DIXDC1: variants seen among roughly 807,000 people sequenced by gnomAD.
The protein encoded by DIXDC1 is DIX domain containing 1.
In DIXDC1, 64 loss-of-function variants were observed where a neutral mutation model predicts 103.1. The ratio of observed to expected loss-of-function variants is 0.62; its 90% CI spans 0.51 to 0.76. The LOEUF is 0.76. Among genes scored for constraint, DIXDC1 ranks in the 30% least tolerant of loss-of-function variants. The pLI, the probability that DIXDC1 is intolerant of heterozygous loss-of-function variation, is 0.00. For missense variants in DIXDC1, 759 were observed against 834.2 expected, an observed-to-expected ratio of 0.91 and a Z score of 1.11; for synonymous variants, 266 against 298.5, an observed-to-expected ratio of 0.89 and a Z score of 1.12.
chr11:111,970,299 C>T (rs1030677525), intron 3 of DIXDC1, among the ~76,000 whole-genome samples: 4 of 152,172 alleles, frequency 2.6e-5, no homozygotes, highest in African/African-American at 7.2e-5. Context: ...AAGTGATCCA[C>T]CTGCCTCAGC....
chr11:111,994,920 C>A, intron 14 of DIXDC1, 99 bp from the exon 15 acceptor site: 2 of 1,085,658 alleles, frequency 1.8e-6, no homozygotes, highest in Non-Finnish European at 2.7e-6. Context: ...CAATTATATA[C>A]TTCATCAGGA....
chr11:111,973,437 C>A (rs1371325346), intron 3 of DIXDC1, among the ~76,000 whole-genome samples: 1 of 151,716 alleles, frequency 6.6e-6, no homozygotes, highest in Non-Finnish European at 1.5e-5. Context: ...TCCAAAATAC[C>A]ATTTCATGCA....
intron 1 of DIXDC1, among the ~76,000 whole-genome samples, chr11:111,940,109 G>C (rs1555168650): frequency 6.6e-5 from 10 of 152,216 alleles, no homozygotes; most frequent in Non-Finnish European, 1.5e-4. Flanking sequence ...AGGGAACCCT[G>C]CAGCAGAGAG....
At chr11:111,927,399 A>G (rs186257603) in intron 1 of DIXDC1, 190 of 152,762 alleles carry the variant, frequency 1.2e-3, no homozygotes, top group Non-Finnish European at 2.0e-3. Flanking sequence ...TAGGTGCTGA[A>G]AGGTGGCGAG....
chr11:111,929,855 T>C (rs1555167484), exon 2 of DIXDC1: 4 of 1,535,954 alleles, frequency 2.6e-6, no homozygotes, highest in Non-Finnish European at 3.5e-6. Context: ...CTCTTGAAGA[T>C]GGGGACCCAA....
At chr11:111,996,229 G>C (rs1860894889) in intron 17 of DIXDC1, 83 bp downstream of exon 17, 14 of 1,276,088 alleles carry the variant, frequency 1.1e-5, no homozygotes, top group Non-Finnish European at 1.5e-5. Context: ...TTTTGGGGAT[G>C]TAATTTTTCT....
intron 1 of DIXDC1, among the ~76,000 whole-genome samples, chr11:111,964,241 A>G (rs1206681673): frequency 6.6e-6 from 1 of 152,270 alleles, no homozygotes; most frequent in Admixed American, 6.5e-5. Flanking sequence ...CCTGGTCAAC[A>G]GAGAAAAACT....
chr11:111,935,700 G>A (rs1266009577), upstream of DIXDC1, among the ~76,000 whole-genome samples: 2 of 152,262 alleles, frequency 1.3e-5, no homozygotes, highest in Non-Finnish European at 2.9e-5. Context: ...ACCACGAAGT[G>A]TGGTAGTGTC....
chr11:111,993,410 A>T (rs1860771521), intron 12 of DIXDC1, 86 bp from the exon 13 acceptor site: 1 of 1,436,988 alleles, frequency 7.0e-7, no homozygotes, highest in Admixed American at 1.8e-5. Flanking sequence ...GCTCTACTTT[A>T]CTTGAGTGGA....
In DIXDC1 at chr11:111,976,343, T is replaced by A. The variant is rs1237056740; in HGVS notation, c.656+1360T>A. Among the ~76,000 whole-genome samples the A allele has an allele frequency of 2.0e-5, 3 of 152,076 alleles. No individual in the cohort carries two copies. Among genetic ancestry groups the A allele is most frequent in the African/African-American group, 7.2e-5 (3 of 41,404 alleles). On this transcript the variant is annotated intron_variant, in intron 5 of 19. Coordinates refer to ENST00000440460, the MANE Select transcript of DIXDC1 (RefSeq NM_001037954.4). This position sits in a 1 kb window ranked among gnomAD's most constrained non-coding sequence, Gnocchi z 4.3. ...GACTGAGGGGAGGGCTGTGAGACTGTGAATGTGTGAATGAGGGGCCCACCG... is the reference window on the plus strand; with the variant it reads ...GACTGAGGGGAGGGCTGTGAGACTGAGAATGTGTGAATGAGGGGCCCACCG...
chr11:112,000,793 C>T (rs897163744), intron 17 of DIXDC1, among the ~76,000 whole-genome samples: 1 of 151,790 alleles, frequency 6.6e-6, no homozygotes, highest in Admixed American at 6.6e-5. Context: ...TACCACTTTA[C>T]ACCTACTAAA....
At chr11:111,956,572 C>T (rs587694411) in intron 1 of DIXDC1, among the ~76,000 whole-genome samples, 34 of 152,290 alleles carry the variant, frequency 2.2e-4, no homozygotes, top group Non-Finnish European at 4.3e-4. Context: ...TCACTACAAC[C>T]TCCGCCTCCC....
At chr11:111,950,439 T>TATA (rs61541869) in intron 1 of DIXDC1, among the ~76,000 whole-genome samples, 2 of 9,494 alleles carry the variant, frequency 2.1e-4, no homozygotes, top group African/African-American at 4.0e-4. Context: ...TATATATATA[T>TATA]TTTTTTTTTT....
chr11:111,989,168 TGGTAAAG>T, intron 10 of DIXDC1, 113 bp downstream of exon 10: 3 of 823,846 alleles, frequency 3.6e-6, no homozygotes, highest in Non-Finnish European at 3.6e-6. Flanking sequence ...TCTGTGCTAT[TGGTAAAG>T]AAAGGGCTTT....
intron 1 of DIXDC1, among the ~76,000 whole-genome samples, chr11:111,957,200 G>A (rs1172908008): frequency 6.6e-6 from 1 of 152,052 alleles, no homozygotes; most frequent in African/African-American, 2.4e-5. Context: ...AAATAAATGG[G>A]GGAGGAGAGA....
At chr11:111,955,987 TACACACAC>T (rs71461600) in intron 1 of DIXDC1, among the ~76,000 whole-genome samples, 2,073 of 142,598 alleles carry the variant, frequency 0.015, 40 homozygotes, top group African/African-American at 0.048. Flanking sequence ...TATATATGTG[TACACACAC>T]ACACACACAC....
rs1555173932 is a variant in DIXDC1, at chr11:111,986,931, C to G, written c.1062+7C>G. The G allele has an allele frequency of 6.4e-6, 10 of 1,566,156 alleles. No individual in the cohort carries two copies. Among genetic ancestry groups the G allele is most frequent in the African/African-American group, 4.1e-5 (3 of 73,828 alleles). The stretch of plus-strand genomic sequence containing the variant: ...GGAGAATCAGGACTTAAAGGTATGT[C>G]AAGACATGTACATTTTACCCCTTAA... On this transcript the variant is annotated splice_region_variant and intron_variant, in intron 9 of 19. Transcript: ENST00000440460.
chr11:111,983,562 G>T (rs782472847), intron 7 of DIXDC1, among the ~76,000 whole-genome samples: 1 of 152,138 alleles, frequency 6.6e-6, no homozygotes, highest in East Asian at 1.9e-4. Flanking sequence ...ATGTTTTTGT[G>T]TGTGTTTTAC....
chr11:112,013,865 G>T (rs1861507336), intron 17 of DIXDC1, among the ~76,000 whole-genome samples: 1 of 152,182 alleles, frequency 6.6e-6, no homozygotes, highest in African/African-American at 2.4e-5. Flanking sequence ...CGGCTGGCTG[G>T]AAAGTTGGGC....
Sources: allele counts gnomAD v4.1 joint callset (sites outside exome capture counted in the v4.1 genomes callset), GRCh38; gene constraint gnomAD v4.1.1; non-coding constraint Gnocchi (gnomAD v3.1); transcripts MANE v1.5; gene names NCBI Gene and HGNC (gene_info 2026-07-23, HGNC 2026-07-21).